Variants in AKNAD1 observed in about 807,000 individuals in gnomAD.
AKNAD1 encodes the protein AKNA domain containing 1.
AKNAD1 carries 67 observed loss-of-function variants against 90.8 expected under a neutral mutation model. The observed-to-expected ratio is 0.74, with a 90% CI of 0.61 to 0.90. The LOEUF (loss-of-function observed/expected upper bound fraction) is 0.90. Among genes scored for constraint, AKNAD1 ranks in the 40% least tolerant of loss-of-function variants. The probability of loss-of-function intolerance (pLI) is 0.00; values close to 1 mark genes in which losing one functional copy is unlikely to be tolerated. For missense variants in AKNAD1, 957 were observed against 975.4 expected (o/e 0.98, Z 0.25); for synonymous variants, 327 against 341.4 (o/e 0.96, Z 0.46).
chr1:108,838,848 G>T (rs972706175), intron 6 of AKNAD1, among the ~76,000 whole-genome samples: 4 of 151,952 alleles, frequency 2.6e-5, no homozygotes, highest in Non-Finnish European at 5.9e-5. Context: ...TTTTAAAAAA[G>T]TAGAAAATAT....
At chr1:108,848,362 A>G (rs6604131) in intron 5 of AKNAD1, among the ~76,000 whole-genome samples, 25,808 of 152,164 alleles carry the variant, frequency 0.17, 2,830 homozygotes, top group African/African-American at 0.31. Flanking sequence ...GGTTGATTTT[A>G]TGAGTATTCA....
At chr1:108,850,643 AG>A (rs34047396) in intron 2 of AKNAD1, among the ~76,000 whole-genome samples, 35,473 of 151,296 alleles carry the variant, frequency 0.23, 4,410 homozygotes, top group African/African-American at 0.3. Context: ...ATTAAAAAAA[AG>A]AGAGAGAGAG....
At position 108,837,708 on chromosome 1, in the gene AKNAD1, T is replaced by G; in HGVS notation, c.1380-2A>C. On this transcript the variant is annotated splice_acceptor_variant, in intron 6 of 15. Coordinates refer to ENST00000370001, the MANE Select transcript of AKNAD1 (RefSeq NM_152763.5). LOFTEE classifies it high-confidence loss of function. ...TTGAAGATTTCACCTTCCACTTTTC[T>G]AAGTAAACATAAACACACAGGCATC... The G allele has an allele frequency of 6.2e-7, 1 of 1,614,070 alleles. No individual in the cohort carries two copies. The highest frequency in any genetic ancestry group is 8.5e-7 in the Non-Finnish European group (1 of 1,179,956).
At chr1:108,824,216 G>A (rs1663918838) in intron 11 of AKNAD1, among the ~76,000 whole-genome samples, 1 of 152,188 alleles carries the variant, frequency 6.6e-6, no homozygotes, top group South Asian at 2.1e-4. Context: ...ATGTGTATCT[G>A]GTGCAGGTCT....
At chr1:108,835,207 G>T in intron 7 of AKNAD1, 151 bp from the exon 8 acceptor site, 1 of 817,536 alleles carries the variant, frequency 1.2e-6, no homozygotes. Context: ...TCTTTACCTA[G>T]CTGTCTTCTC....
At chr1:108,834,699 G>A (rs1006698769) in intron 8 of AKNAD1, among the ~76,000 whole-genome samples, 171 bp from the exon 9 acceptor site, 7 of 151,862 alleles carry the variant, frequency 4.6e-5, no homozygotes, top group African/African-American at 1.2e-4. Context: ...ACCTCTCCCC[G>A]CGTCCCCCAG....
At chr1:108,833,580 CAA>C (rs1003836362) in intron 9 of AKNAD1, among the ~76,000 whole-genome samples, 1 of 141,408 alleles carries the variant, frequency 7.1e-6, no homozygotes. Context: ...GAGACTGTCT[CAA>C]AAAAAAAAAA....
chr1:108,839,705 A>G (rs1474625968), intron 6 of AKNAD1, among the ~76,000 whole-genome samples: 1 of 152,206 alleles, frequency 6.6e-6, no homozygotes, highest in African/African-American at 2.4e-5. Context: ...TACTTAGGAG[A>G]GTTCTCATTA....
chr1:108,833,364 C>A (rs1570807827), intron 9 of AKNAD1, among the ~76,000 whole-genome samples: 1 of 152,126 alleles, frequency 6.6e-6, no homozygotes, highest in East Asian at 1.9e-4. Context: ...GGGTGGATCA[C>A]CTGAGGTCGG....
chr1:108,852,622 C>T lies in AKNAD1; in HGVS notation c.43G>A (p.Glu15Lys), dbSNP rs1273438036. The part of the protein sequence containing the change: ...DFSEHTTYKQ[E>K]DLPYDGDLSQ... ...AGGTCCCCATCATAAGGCAAATCCT[C>T]CTGCTTATAAGTCGTGTGTTCTGAA... is the stretch of plus-strand genomic sequence containing the variant. The change falls in exon 2 of 16, where the codon GAG (glutamate) becomes AAG (lysine). Residue 15 changes from glutamate to lysine, a missense_variant. Glu to Lys is a moderately conservative substitution (Grantham distance 56). Transcript: ENST00000370001. 2 of 1,605,504 alleles carry T rather than the reference C, an allele frequency of 1.2e-6. No individual in the cohort carries two copies. Among genetic ancestry groups the T allele is most frequent in the Middle Eastern group, 1.7e-4 (1 of 6,030 alleles).
chr1:108,838,590 G>T (rs1001443725), intron 6 of AKNAD1, among the ~76,000 whole-genome samples: 3 of 151,628 alleles, frequency 2.0e-5, no homozygotes, highest in Non-Finnish European at 4.4e-5. Flanking sequence ...CCACAGAAAA[G>T]GATTCATAAA....
intron 1 of AKNAD1, among the ~76,000 whole-genome samples, chr1:108,853,182 A>C (rs1402367351): frequency 7.2e-6 from 1 of 139,300 alleles, no homozygotes; most frequent in Non-Finnish European, 1.5e-5. Context: ...CCCAGGCTGG[A>C]GTGCGGTGAC....
Position 108,823,459 on chromosome 1 carries a change from T to G in AKNAD1, c.2078A>C (p.Asn693Thr). Residue 693 changes from asparagine to threonine, a missense_variant, in exon 13 of 16, where the codon AAC becomes ACC. Transcript: ENST00000370001. Reference protein sequence around the residue: ...EPTKEFHYRYNTPGQNYSNHS... With the variant: ...EPTKEFHYRYTTPGQNYSNHS... ...ATTTGAGTAATTCTGTCCTGGAGTG[T>G]TGTATCTATAATGAAATTCTGGGAA... The G allele has an allele frequency of 1.9e-6, 3 of 1,614,068 alleles. No individual in the cohort carries two copies. Among genetic ancestry groups the G allele is most frequent in the Non-Finnish European group, 2.5e-6 (3 of 1,179,892 alleles).
chr1:108,851,038 C>T (rs1664840490), intron 2 of AKNAD1, among the ~76,000 whole-genome samples: 1 of 152,154 alleles, frequency 6.6e-6, no homozygotes, highest in Non-Finnish European at 1.5e-5. Flanking sequence ...TAACTAAGGG[C>T]ATAACGTACG....
intron 2 of AKNAD1, among the ~76,000 whole-genome samples, chr1:108,851,446 G>A (rs192794545): frequency 1.1e-4 from 17 of 152,264 alleles, no homozygotes; most frequent in South Asian, 4.1e-4. Flanking sequence ...TCCGGCTTGC[G>A]GAATTTGGAT....
At chr1:108,847,213 G>A (rs1440435222) in intron 5 of AKNAD1, among the ~76,000 whole-genome samples, 2 of 152,056 alleles carry the variant, frequency 1.3e-5, no homozygotes, top group African/African-American at 4.8e-5. Flanking sequence ...TTGGGAGACC[G>A]AGGCAGGTGG....
intron 1 of AKNAD1, among the ~76,000 whole-genome samples, chr1:108,855,860 CA>C (rs374547909): frequency 5.2e-5 from 7 of 134,854 alleles, no homozygotes; most frequent in South Asian, 2.4e-4. Flanking sequence ...TTTTTTAGAA[CA>C]AAAAAAAACA....
chr1:108,853,760 C>T (rs1035362796), intron 1 of AKNAD1, among the ~76,000 whole-genome samples: 4 of 151,792 alleles, frequency 2.6e-5, no homozygotes, highest in Non-Finnish European at 4.4e-5. Context: ...ATGGCGAAAC[C>T]CCCATCTGTA....
chr1:108,828,452 A>T (rs762849418), intron 10 of AKNAD1, among the ~76,000 whole-genome samples: 6 of 151,760 alleles, frequency 4.0e-5, no homozygotes. Context: ...AGCTCCTGGG[A>T]TACAGTCATA....
Sources: gnomAD v4.1 joint callset for allele counts (sites outside exome capture counted in the v4.1 genomes callset) on GRCh38, gnomAD v4.1.1 for gene constraint, MANE v1.5 for transcripts, NCBI Gene and HGNC (gene_info 2026-07-23, HGNC 2026-07-21) for gene names.